Variants in RBFOX2 observed in about 807,000 individuals in gnomAD.
RBFOX2 encodes RNA binding fox-1 homolog 2.
RBFOX2 carries 10 observed loss-of-function variants against 49.1 expected under a neutral mutation model. That is an observed-to-expected ratio of 0.20 (90% CI 0.13 to 0.35). The LOEUF (loss-of-function observed/expected upper bound fraction) is 0.35, where lower values mean the gene tolerates loss of function less well. Ranked by LOEUF, RBFOX2 falls within the 10% of genes least tolerant of loss-of-function variation. The probability of loss-of-function intolerance (pLI) is 1.00; values close to 1 mark genes in which losing one functional copy is unlikely to be tolerated. For missense variants in RBFOX2, 323 were observed against 486.9 expected (o/e 0.66, Z 3.17); for synonymous variants, 183 against 187.4 (o/e 0.98, Z 0.19).
chr22:36,014,483 TAAAAC>T (rs1446946879), intron 1 of RBFOX2, among the ~76,000 whole-genome samples: 4 of 152,104 alleles, frequency 2.6e-5, no homozygotes, highest in Non-Finnish European at 5.9e-5. Context: ...TTTCCTAACT[TAAAAC>T]AGAATGCTGA....
rs575373058 is a variant in RBFOX2 at position 35,956,438 on chromosome 22, A to T, written c.42+5125T>A. Among the ~76,000 whole-genome samples, 20 of 151,870 alleles carry T rather than the reference A, an allele frequency of 1.3e-4. 1 individual carries two copies. The South Asian group carries it at 3.5e-3, about 27-fold the overall frequency. ...GTGCAATGGTACAATCTCAGCTCAC[A>T]GCAACCTCCACCTCCTGGGTTCAAG... On this transcript the variant is annotated intron_variant, in intron 1 of 5. Coordinates refer to the RBFOX2 transcript ENST00000408983.
At chr22:36,018,869 C>G (rs897999832) in intron 1 of RBFOX2, among the ~76,000 whole-genome samples, 1 of 152,148 alleles carries the variant, frequency 6.6e-6, no homozygotes, top group Non-Finnish European at 1.5e-5. Context: ...CCGCCTCAGC[C>G]TCCCAAAGTG....
chr22:35,871,174 G>A (rs989576720), intron 1 of RBFOX2, among the ~76,000 whole-genome samples: 1 of 152,138 alleles, frequency 6.6e-6, no homozygotes, highest in African/African-American at 2.4e-5. Flanking sequence ...ACAGATGAAT[G>A]GAAACGCAAC....
exon 12 of RBFOX2, chr22:35,738,931 GATA>G (rs1378774183): frequency 2.0e-5 from 3 of 152,580 alleles, no homozygotes; most frequent in African/African-American, 4.8e-5. Context: ...CCAGCTACTT[GATA>G]ATAATAGGAG....
chr22:36,012,958 G>A (rs932480596), intron 1 of RBFOX2, among the ~76,000 whole-genome samples: 1 of 152,016 alleles, frequency 6.6e-6, no homozygotes, highest in Admixed American at 6.6e-5. Flanking sequence ...TAGAGATGGG[G>A]TTTCAACCTG....
At chr22:35,858,664 A>T (rs1228949339) in intron 1 of RBFOX2, among the ~76,000 whole-genome samples, 2 of 151,898 alleles carry the variant, frequency 1.3e-5, no homozygotes, top group Non-Finnish European at 2.9e-5. Context: ...CAACTCTACT[A>T]AAAATACAAA....
rs75413463 is a variant in RBFOX2 at position 35,796,283 on chromosome 22, T to C, written c.252+13497A>G. Among the ~76,000 whole-genome samples, 1,341 of 152,332 alleles carry C rather than the reference T, an allele frequency of 8.8e-3. 15 individuals carry two copies. The highest frequency in any genetic ancestry group is 0.031 in the African/African-American group (1,294 of 41,568). ...TTATGGCATTAGAAATTGAAGCTGA[T>C]AAATTTTTAAAGTATTTAAAAATTA... On this transcript the variant is annotated intron_variant, in intron 2 of 11. Transcript: ENST00000405409.
chr22:35,770,021 A>ATTTCAACAAAGAG (rs1441249909), intron 4 of RBFOX2, among the ~76,000 whole-genome samples: 11 of 152,312 alleles, frequency 7.2e-5, no homozygotes, highest in Non-Finnish European at 1.2e-4. Context: ...AAGAATGTGT[A>ATTTCAACAAAGAG]AGTTTGTTGA....
chr22:35,956,141 T>A (rs987928755), intron 1 of RBFOX2, among the ~76,000 whole-genome samples: 1 of 152,210 alleles, frequency 6.6e-6, no homozygotes, highest in Non-Finnish European at 1.5e-5. Context: ...CACTAAGTTA[T>A]AAAGATCTTC....
chr22:35,879,380 G>T (rs113852901), intron 1 of RBFOX2, among the ~76,000 whole-genome samples: 154 of 152,246 alleles, frequency 1.0e-3, no homozygotes, highest in Middle Eastern at 3.4e-3. Flanking sequence ...ACTTCATTAG[G>T]TACTATAAAC....
chr22:35,875,123 G>C (rs1485100434), intron 1 of RBFOX2, among the ~76,000 whole-genome samples: 2 of 152,074 alleles, frequency 1.3e-5, no homozygotes, highest in Non-Finnish European at 1.5e-5. Context: ...CTGGCTCCTT[G>C]GTCTTGGACT....
At chr22:35,909,055 G>A (rs1156452124) in intron 1 of RBFOX2, among the ~76,000 whole-genome samples, 2 of 152,140 alleles carry the variant, frequency 1.3e-5, no homozygotes, top group African/African-American at 4.8e-5. Context: ...TGTTAGTCAG[G>A]ATGGTCTCGA....
chr22:35,911,137 T>A (rs1024742508), intron 1 of RBFOX2, among the ~76,000 whole-genome samples: 1 of 152,204 alleles, frequency 6.6e-6, no homozygotes, highest in Non-Finnish European at 1.5e-5. Flanking sequence ...CCGGGACTTC[T>A]CTGGTCTCTA....
intron 1 of RBFOX2, among the ~76,000 whole-genome samples, chr22:35,974,585 G>A (rs559316683): frequency 6.6e-6 from 1 of 152,264 alleles, no homozygotes; most frequent in Non-Finnish European, 1.5e-5. Context: ...TACTCAGGAG[G>A]CTGAGGCGGG....
intron 1 of RBFOX2, among the ~76,000 whole-genome samples, chr22:36,011,001 A>G (rs1016141674): frequency 1.1e-4 from 17 of 152,192 alleles, no homozygotes; most frequent in Non-Finnish European, 1.0e-4. Flanking sequence ...AACTTAGTTC[A>G]CTGAACAGCA....
At chr22:35,841,293 A>T (rs1254991132), upstream of RBFOX2, among the ~76,000 whole-genome samples, 2 of 152,198 alleles carry the variant, frequency 1.3e-5, no homozygotes, top group African/African-American at 4.8e-5. Flanking sequence ...TCATTATTGT[A>T]AATAGTAATT....
chr22:35,810,909 G>T lies in RBFOX2; in HGVS notation c.28-905C>A, dbSNP rs531607850. Among the ~76,000 whole-genome samples the T allele has an allele frequency of 4.6e-5, 7 of 152,130 alleles. 1 individual carries two copies. In the South Asian group the frequency reaches 1.5e-3, roughly 32 times the overall value. On this transcript the variant is annotated intron_variant, in intron 1 of 11. Transcript: ENST00000405409. ...GTAATAAAACCTATACAAATATATT[G>T]TTTTTAATACTAAAGAGAATGACAA...
chr22:35,746,643 C>T (rs1051123673), intron 9 of RBFOX2, 82 bp from the exon 12 acceptor site: 118 of 770,708 alleles, frequency 1.5e-4, no homozygotes, highest in Non-Finnish European at 2.1e-4. Context: ...CACACACAGA[C>T]GTACACACAT....
At chr22:35,833,104 G>T (rs1957088871) in intron 1 of RBFOX2, among the ~76,000 whole-genome samples, 1 of 152,060 alleles carries the variant, frequency 6.6e-6, no homozygotes, top group African/African-American at 2.4e-5. Flanking sequence ...AATCATAATT[G>T]ATATTTTTAC....
Sources: gnomAD v4.1 joint callset for allele counts (sites outside exome capture counted in the v4.1 genomes callset) on GRCh38, gnomAD v4.1.1 for gene constraint, MANE v1.5 for transcripts, NCBI Gene and HGNC (gene_info 2026-07-23, HGNC 2026-07-21) for gene names.